Variants in COL14A1 observed in about 807,000 individuals in gnomAD.
COL14A1 encodes the protein collagen alpha-1(XIV) chain.
COL14A1 carries 136 observed loss-of-function variants against 230.3 expected under a neutral mutation model. The ratio of observed to expected loss-of-function variants is 0.59; its 90% CI spans 0.51 to 0.68. The LOEUF (loss-of-function observed/expected upper bound fraction) is 0.68. Among genes scored for constraint, COL14A1 ranks in the 30% least tolerant of loss-of-function variants. The pLI, the probability that COL14A1 is intolerant of heterozygous loss-of-function variation, is 0.00. For synonymous variants in COL14A1, 792 were observed against 784.1 expected (o/e 1.01, Z -0.17); for missense variants, 1,976 against 2,215.8 (o/e 0.89, Z 2.17).
At chr8:120,343,069 T>G (rs1010600982) in intron 44 of COL14A1, among the ~76,000 whole-genome samples, 11 of 152,322 alleles carry the variant, frequency 7.2e-5, no homozygotes, top group African/African-American at 2.4e-4. Flanking sequence ...TCCCATTTCT[T>G]CATTTTACTT....
chr8:120,141,451 G>A (rs1814905325), intron 1 of COL14A1, among the ~76,000 whole-genome samples: 1 of 151,908 alleles, frequency 6.6e-6, no homozygotes. Flanking sequence ...AGGCTGAGGT[G>A]GGAGAATCAC....
intron 45 of COL14A1, among the ~76,000 whole-genome samples, chr8:120,346,541 A>G (rs1412859615): frequency 6.6e-6 from 1 of 152,230 alleles, no homozygotes; most frequent in Non-Finnish European, 1.5e-5. Context: ...ACAGATTACA[A>G]AAACTATTTC....
intron 20 of COL14A1, among the ~76,000 whole-genome samples, chr8:120,245,000 T>A (rs1295989112): frequency 6.6e-6 from 1 of 152,112 alleles, no homozygotes; most frequent in African/African-American, 2.4e-5. Flanking sequence ...CATTCATACC[T>A]CCCTGTCTGC....
At chr8:120,370,614 C>A in intron 47 of COL14A1, 1 of 1,449,706 alleles carries the variant, frequency 6.9e-7, no homozygotes, top group Non-Finnish European at 9.1e-7. Context: ...ACTGACTGCT[C>A]CATGTCAGCC....
chr8:120,236,685 A>G (rs1237185165), intron 19 of COL14A1, among the ~76,000 whole-genome samples: 1 of 152,140 alleles, frequency 6.6e-6, no homozygotes, highest in Non-Finnish European at 1.5e-5. Context: ...TATTTAGCCC[A>G]TTAGTTGATG....
chr8:120,233,402 T>A (rs888939545), intron 19 of COL14A1, among the ~76,000 whole-genome samples: 1 of 152,224 alleles, frequency 6.6e-6, no homozygotes, highest in Non-Finnish European at 1.5e-5. Context: ...TGGTTTTATG[T>A]CTTATGTTTA....
intron 5 of COL14A1, among the ~76,000 whole-genome samples, chr8:120,183,805 A>T (rs1050848424): frequency 6.6e-6 from 1 of 152,164 alleles, no homozygotes; most frequent in Non-Finnish European, 1.5e-5. Context: ...ATTTCCTGCT[A>T]TCTTTAATTG....
At chr8:120,310,116 A>G in intron 37 of COL14A1, 54 bp downstream of exon 37, 2 of 1,559,166 alleles carry the variant, frequency 1.3e-6, no homozygotes, top group South Asian at 2.3e-5. Context: ...CTCTCTCATA[A>G]ATAGCCATCA....
chr8:120,274,400 C>T (rs1354778062), intron 26 of COL14A1, among the ~76,000 whole-genome samples: 1 of 151,764 alleles, frequency 6.6e-6, no homozygotes, highest in South Asian at 2.1e-4. Context: ...GATAGCATTC[C>T]TTCTGAGAAC....
rs748226555 is a variant in COL14A1 at position 120,212,560 on chromosome 8, C to A, written c.1580C>A (p.Thr527Lys). ...MFGEEASDPVTGQETTLALSP... is the reference protein window; with the variant it reads ...MFGEEASDPVKGQETTLALSP... ...GGAGAAGAGGCCAGTGATCCTGTTA[C>A]GGGACAAGAAACAACATGTGAGCAG... The change falls in exon 13 of 48, where the codon ACG becomes AAG. Residue 527 changes from threonine to lysine, a missense_variant. Coordinates refer to ENST00000297848, the MANE Select transcript of COL14A1 (RefSeq NM_021110.4). The A allele has an allele frequency of 6.2e-6, 10 of 1,613,366 alleles. No individual in the cohort carries two copies. The highest frequency in any genetic ancestry group is 5.1e-6 in the Non-Finnish European group (6 of 1,179,520).
chr8:120,353,006 TA>T, intron 45 of COL14A1, among the ~76,000 whole-genome samples: 2 of 17,254 alleles, frequency 1.2e-4, no homozygotes, highest in Non-Finnish European at 1.7e-4. Context: ...AAGGCTACAG[TA>T]ACCAAAACAG....
At chr8:120,308,811 T>A (rs1428488734) in intron 36 of COL14A1, among the ~76,000 whole-genome samples, 1 of 152,214 alleles carries the variant, frequency 6.6e-6, no homozygotes. Flanking sequence ...TTTCAATGAT[T>A]TTTCAATCCT....
In COL14A1 at chr8:120,247,733, G is replaced by A. The variant is rs1024186588; in HGVS notation, c.2600G>A (p.Ser867Asn). Reference sequence around the variant, plus strand: ...TATAGAATTGTCTACAAACCTGTCAGTGGTAAGTAATGCTTTGTAAATAAT... The same window carrying A: ...TATAGAATTGTCTACAAACCTGTCAATGGTAAGTAATGCTTTGTAAATAAT... ...KGYRIVYKPV[S>N]VPGPTLETFV... Residue 867 changes from serine (S) to asparagine (N), a missense_variant and splice_region_variant, in exon 21 of 48, where the codon AGT (serine) becomes AAT (asparagine). Around this residue, in one of 3 missense-constraint regions of COL14A1, gnomAD observed 1,791 missense variants for 2,019.5 expected, o/e 0.89. Transcript: ENST00000297848. 6.2e-7 allele frequency: 1 copy of A among 1,613,470 alleles called. No homozygotes were observed. Among genetic ancestry groups the A allele is most frequent in the Non-Finnish European group, 8.5e-7 (1 of 1,179,854 alleles).
chr8:120,181,852 TAA>T (rs1816474524), intron 5 of COL14A1, among the ~76,000 whole-genome samples: 1 of 152,220 alleles, frequency 6.6e-6, no homozygotes, highest in South Asian at 2.1e-4. Context: ...CGCAGGAGGC[TAA>T]GGCAGGAGAA....
At chr8:120,229,381 G>A (rs1053197310) in intron 18 of COL14A1, among the ~76,000 whole-genome samples, 8 of 150,636 alleles carry the variant, frequency 5.3e-5, no homozygotes, top group South Asian at 2.1e-4. Flanking sequence ...TTGTCCTTGC[G>A]ATAGTTTACT....
At chr8:120,135,404 C>G (rs1484879710) in intron 1 of COL14A1, among the ~76,000 whole-genome samples, 1 of 152,068 alleles carries the variant, frequency 6.6e-6, no homozygotes, top group Non-Finnish European at 1.5e-5. Context: ...GCTGGGATTA[C>G]AGAAGCGCAC....
intron 34 of COL14A1, among the ~76,000 whole-genome samples, chr8:120,293,697 G>A (rs941747589): frequency 1.3e-5 from 2 of 151,758 alleles, no homozygotes; most frequent in Non-Finnish European, 3.0e-5. Flanking sequence ...TAGAATAAAG[G>A]CAGAGAAGGA....
intron 36 of COL14A1, among the ~76,000 whole-genome samples, chr8:120,307,822 A>C (rs1366961439): frequency 3.3e-5 from 5 of 152,230 alleles, no homozygotes; most frequent in Admixed American, 3.3e-4. Flanking sequence ...GCAGATCAAT[A>C]AACTGGCACA....
intron 5 of COL14A1, among the ~76,000 whole-genome samples, chr8:120,168,571 G>GTT (rs1815993983): frequency 6.6e-6 from 1 of 152,096 alleles, no homozygotes; most frequent in African/African-American, 2.4e-5. Context: ...AATTGCATGG[G>GTT]CTCTCCCACT....
Sources: allele counts gnomAD v4.1 joint callset (sites outside exome capture counted in the v4.1 genomes callset), GRCh38; gene constraint gnomAD v4.1.1; regional missense constraint gnomAD v4.1.1; transcripts MANE v1.5; gene names NCBI Gene and HGNC (gene_info 2026-07-23, HGNC 2026-07-21).